PAX7: variants seen among roughly 807,000 people sequenced by gnomAD.
The protein encoded by PAX7 is paired box protein Pax-7.
In PAX7, 18 loss-of-function variants were observed where a neutral mutation model predicts 50.7. The ratio of observed to expected loss-of-function variants is 0.36; its 90% confidence interval spans 0.25 to 0.53. The LOEUF (loss-of-function observed/expected upper bound fraction) is 0.53. PAX7 is among the 20% of genes least tolerant of loss of function. PAX7 has a pLI of 0.93. For missense variants in PAX7, 644 were observed against 702.9 expected (o/e 0.92, Z 0.95); for synonymous variants, 310 against 290.4 (o/e 1.07, Z -0.69).
rs1380092972 is a variant in PAX7, at chr1:18,707,411, CTTTCTTTTT to C, written c.1155+4119_1155+4127del. On this transcript the variant is annotated intron_variant, in intron 7 of 8. Transcript: ENST00000420770. ...TCCTTTTCTTTCCTTTTCTTTTTTT[CTTTCTTTTT>C]TTTTTTTTTTTTTTTTTGAGATAGG... 2.0e-4 allele frequency among the ~76,000 whole-genome samples: 18 copies of C among 91,238 alleles called. 1 individual carries two copies. The highest frequency in any genetic ancestry group is 7.5e-4 in the South Asian group (2 of 2,668). The allele number at this position is 91,238 out of a possible 152,430, so 59.9% of individuals were successfully genotyped here. A position where few individuals can be genotyped will look rare whatever the true frequency, so the allele number is the denominator to read the frequency against.
intron 4 of PAX7, among the ~76,000 whole-genome samples, chr1:18,652,509 A>G (rs1375901038): frequency 1.3e-5 from 2 of 152,204 alleles, no homozygotes; most frequent in African/African-American, 2.4e-5. Context: ...AGTGATGTTT[A>G]TTAATAGTTG....
chr1:18,654,015 C>G (rs1393938174), intron 4 of PAX7, among the ~76,000 whole-genome samples: 1 of 152,100 alleles, frequency 6.6e-6, no homozygotes, highest in African/African-American at 2.4e-5. Flanking sequence ...GCAGGAGAGC[C>G]TTTCTTTCTC....
rs2088125762 is a variant in PAX7, at chr1:18,635,127, A to T, written c.338A>T (p.Asp113Val). 1.9e-6 allele frequency: 3 copies of T among 1,613,654 alleles called. No homozygotes were observed. The highest frequency in any genetic ancestry group is 2.5e-6 in the Non-Finnish European group (3 of 1,179,762). The change falls in exon 3 of 9, where the codon GAT becomes GTT. Residue 113 changes from aspartate to valine, a missense_variant. By Grantham distance (152) the Asp-to-Val change is radical. Transcript: ENST00000420770. The stretch of plus-strand genomic sequence containing the variant: ...CCTCTGAAGCAGGTGGCGACTCCGG[A>T]TGTAGAGAAAAAGATTGAGGAGTAC... ...GSKPRQVATP[D>V]VEKKIEEYKR...
chr1:18,712,746 T>A (rs187207774), intron 7 of PAX7, among the ~76,000 whole-genome samples: 1 of 152,288 alleles, frequency 6.6e-6, no homozygotes, highest in Non-Finnish European at 1.5e-5. Context: ...TCAGCCCACC[T>A]ATCTGAGTCC....
chr1:18,706,731 C>T (rs1003339820), intron 7 of PAX7, among the ~76,000 whole-genome samples: 1 of 152,188 alleles, frequency 6.6e-6, no homozygotes, highest in Non-Finnish European at 1.5e-5. Context: ...GATCCACCCA[C>T]CTTGGCCTCC....
chr1:18,646,979 G>A (rs1299110661), intron 4 of PAX7, among the ~76,000 whole-genome samples: 2 of 144,136 alleles, frequency 1.4e-5, no homozygotes, highest in Non-Finnish European at 3.1e-5. Context: ...GGGGTGGGGT[G>A]GGGGGGAGGG....
chr1:18,644,789 AGT>A (rs774474103), intron 4 of PAX7, among the ~76,000 whole-genome samples: 1 of 152,146 alleles, frequency 6.6e-6, no homozygotes, highest in Non-Finnish European at 1.5e-5. Flanking sequence ...TCCTTTGGGA[AGT>A]GTTTATATGC....
At chr1:18,717,403 C>T (rs954507913) in intron 7 of PAX7, among the ~76,000 whole-genome samples, 1 of 152,230 alleles carries the variant, frequency 6.6e-6, no homozygotes, top group Non-Finnish European at 1.5e-5. Context: ...CCCACCCGTT[C>T]ATTAGTTCAT....
At position 18,636,456 on chromosome 1, in the gene PAX7, G is replaced by A. The variant is rs1040707986; in HGVS notation, c.586+85G>A. ...GGGCCAGTGGTTCGCTCCCGCCGCC[G>A]GAGCAGGCGACCAGAACTCCAGCGG... On this transcript the variant is annotated intron_variant, in intron 4 of 8. Transcript: ENST00000420770. This position sits in a 1 kb window ranked among gnomAD's most constrained non-coding sequence, Gnocchi z 5.1. 32 of 1,482,546 alleles carry A rather than the reference G, an allele frequency of 2.2e-5. No homozygotes were observed. The highest frequency in any genetic ancestry group is 8.5e-5 in the African/African-American group (6 of 70,932). 91.8% of individuals were successfully genotyped at this position (1,482,546 alleles called of 1,614,324 possible). A position where few individuals can be genotyped will look rare whatever the true frequency, so the allele number is the denominator to read the frequency against.
At chr1:18,692,497 G>A (rs979019783) in intron 5 of PAX7, among the ~76,000 whole-genome samples, 1 of 151,236 alleles carries the variant, frequency 6.6e-6, no homozygotes, top group African/African-American at 2.4e-5. Context: ...AGCCAAGATT[G>A]CGCCACTGTA....
chr1:18,634,448 T>C lies in PAX7; in HGVS notation c.231T>C (p.Arg77=). 1 of 1,614,206 alleles carries C rather than the reference T, an allele frequency of 6.2e-7. No individual in the cohort carries two copies. Among genetic ancestry groups the C allele is most frequent in the Non-Finnish European group, 8.5e-7 (1 of 1,180,046 alleles). Residue 77 remains arginine, a synonymous_variant, in exon 2 of 9, where the codon CGT becomes CGC. Coordinates refer to ENST00000420770, the MANE Select transcript of PAX7 (RefSeq NM_001135254.2). The surrounding 1 kb of genome is among the most constrained non-coding windows in gnomAD (Gnocchi z 4.0). Reference sequence around the variant, plus strand: ...CCTGTGTCATCTCCCGACAGCTGCGTGTCTCCCACGGCTGCGTCTCCAAGA... The same window carrying C: ...CCTGTGTCATCTCCCGACAGCTGCGCGTCTCCCACGGCTGCGTCTCCAAGA... The part of the protein sequence containing the change: ...IRPCVISRQL[R]VSHGCVSKIL...
Position 18,636,490 on chromosome 1 carries a change from T to C in PAX7, c.586+119T>C, listed in dbSNP as rs1045577561. The C allele has an allele frequency of 1.5e-6, 2 of 1,292,280 alleles. No individual in the cohort carries two copies. Among genetic ancestry groups the C allele is most frequent in the Non-Finnish European group, 2.1e-6 (2 of 933,200 alleles). The allele number at this position is 1,292,280 out of a possible 1,614,324, so 80.1% of individuals were successfully genotyped here. On this transcript the variant is annotated intron_variant, in intron 4 of 8. Transcript: ENST00000420770. This position sits in a 1 kb window ranked among gnomAD's most constrained non-coding sequence, Gnocchi z 5.1. ...GACCAGAACTCCAGCGGAGAAACTC[T>C]CATGCTGCGGGGCAGCTGGGAGCCG...
chr1:18,631,508 G>T lies in PAX7; in HGVS notation c.-96G>T. 1 of 1,028,870 alleles carries T rather than the reference G, an allele frequency of 9.7e-7. No individual in the cohort carries two copies. The allele number at this position is 1,028,870 out of a possible 1,614,324, so 63.7% of individuals were successfully genotyped here. A position where few individuals can be genotyped will look rare whatever the true frequency, so the allele number is the denominator to read the frequency against. ...GAGAAGAGGTTAAAAAAAAGAAGAC[G>T]AAGAAGACGGAAAGAAAGAGATCGC... On this transcript the variant is annotated 5_prime_UTR_variant, in exon 1 of 9. Transcript: ENST00000420770.
At chr1:18,651,734 C>G (rs904591088) in intron 4 of PAX7, among the ~76,000 whole-genome samples, 6 of 152,066 alleles carry the variant, frequency 3.9e-5, no homozygotes, top group Non-Finnish European at 8.8e-5. Context: ...GGAAGATTTG[C>G]AGGTGTTTGT....
At chr1:18,701,464 G>A (rs552195076) in intron 6 of PAX7, among the ~76,000 whole-genome samples, 13 of 152,016 alleles carry the variant, frequency 8.6e-5, no homozygotes, top group East Asian at 5.8e-4. Context: ...GCATGTGCAC[G>A]TGTGTGTGTA....
chr1:18,729,948 C>A (rs1266142259), intron 7 of PAX7, among the ~76,000 whole-genome samples: 3 of 152,288 alleles, frequency 2.0e-5, no homozygotes, highest in African/African-American at 7.2e-5. Flanking sequence ...TGAAAAACTG[C>A]ACAGCCCCTG....
In PAX7 at chr1:18,690,202, A is replaced by T. The variant is rs534521572; in HGVS notation, c.587-1552A>T. ...AATGCTTTAGGGGAAGGAGTGAATG[A>T]GTCAATGACAAAAAATAAAAGTGCT... On this transcript the variant is annotated intron_variant, in intron 4 of 8. Transcript: ENST00000420770. Among the ~76,000 whole-genome samples the T allele has an allele frequency of 4.0e-4, 61 of 152,352 alleles. No individual in the cohort carries two copies. In the Middle Eastern group the frequency reaches 0.02, roughly 51 times the overall value.
At chr1:18,705,131 C>T (rs990625872) in intron 7 of PAX7, among the ~76,000 whole-genome samples, 1 of 152,200 alleles carries the variant, frequency 6.6e-6, no homozygotes, top group Non-Finnish European at 1.5e-5. Context: ...ACCAGGCCAC[C>T]CCACTCTCTT....
chr1:18,724,718 G>A (rs2089536758), intron 7 of PAX7, among the ~76,000 whole-genome samples: 1 of 152,164 alleles, frequency 6.6e-6, no homozygotes, highest in African/African-American at 2.4e-5. Context: ...TGGAGACTGG[G>A]GCAAATTATT....
Sources: gnomAD v4.1 joint callset for allele counts (sites outside exome capture counted in the v4.1 genomes callset) on GRCh38, gnomAD v4.1.1 for gene constraint, Gnocchi (gnomAD v3.1) non-coding constraint, MANE v1.5 for transcripts, NCBI Gene and HGNC (gene_info 2026-07-23, HGNC 2026-07-21) for gene names.